ARHGAP10: variants seen among roughly 807,000 people sequenced by gnomAD.
ARHGAP10 encodes the protein Rho GTPase activating protein 10, also known as rho GTPase-activating protein 10.
ARHGAP10 carries 87 observed loss-of-function variants against 108.6 expected under a neutral mutation model. The observed-to-expected ratio is 0.80, with a 90% CI of 0.67 to 0.96. The LOEUF (loss-of-function observed/expected upper bound fraction) is 0.96. Among genes scored for constraint, ARHGAP10 ranks in the 40% least tolerant of loss-of-function variants. The pLI is 0.00. For synonymous variants in ARHGAP10, 347 were observed against 341.1 expected, an observed-to-expected ratio of 1.02 and a Z score of -0.19; for missense variants, 939 against 954.5, an observed-to-expected ratio of 0.98 and a Z score of 0.21.
At chr4:147,784,380 A>G (rs550807298) in intron 1 of ARHGAP10, among the ~76,000 whole-genome samples, 1 of 132,764 alleles carries the variant, frequency 7.5e-6, no homozygotes, top group African/African-American at 2.7e-5. Flanking sequence ...ATATTAAATT[A>G]TATATAATTT....
intron 3 of ARHGAP10, among the ~76,000 whole-genome samples, chr4:147,843,658 C>G (rs1733510649): frequency 6.6e-6 from 1 of 152,202 alleles, no homozygotes. Flanking sequence ...TCCCGAGTAG[C>G]TGGGATTACA....
rs186642546 is a variant in ARHGAP10, at chr4:147,753,902, A to G, written c.154+21447A>G. ...TGATGCTTAATTTGTGGTTAGAGAG[A>G]TTAACAAATTGAGCAAAGATGATGT... is the stretch of plus-strand genomic sequence containing the variant. On this transcript the variant is annotated intron_variant, in intron 1 of 22. Transcript: ENST00000336498. Among the ~76,000 whole-genome samples the G allele has an allele frequency of 4.6e-5, 7 of 152,266 alleles. No homozygotes were observed. In the East Asian group the frequency reaches 1.2e-3, roughly 25 times the overall value.
At chr4:147,966,566 T>C (rs1739208963) in intron 17 of ARHGAP10, 114 bp from the exon 18 acceptor site, 2 of 924,534 alleles carry the variant, frequency 2.2e-6, no homozygotes, top group Non-Finnish European at 3.1e-6. Context: ...ATGTTGAGGG[T>C]GGTTAAGTCT....
intron 1 of ARHGAP10, among the ~76,000 whole-genome samples, chr4:147,786,865 G>C (rs1730911759): frequency 1.3e-5 from 2 of 152,200 alleles, no homozygotes; most frequent in Admixed American, 1.3e-4. Flanking sequence ...AACACTCCCT[G>C]CTCCACAGTT....
intron 3 of ARHGAP10, among the ~76,000 whole-genome samples, chr4:147,824,765 C>T (rs1237050681): frequency 6.6e-6 from 1 of 151,908 alleles, no homozygotes; most frequent in Non-Finnish European, 1.5e-5. Context: ...CCAATTACCT[C>T]CACCTGGTCC....
chr4:148,041,593 A>G (rs1185989471), intron 19 of ARHGAP10, among the ~76,000 whole-genome samples: 2 of 152,360 alleles, frequency 1.3e-5, no homozygotes, highest in East Asian at 3.9e-4. Context: ...ATTATTAGAA[A>G]TGGTAGAATT....
chr4:147,960,054 T>G (rs543822208), intron 16 of ARHGAP10, among the ~76,000 whole-genome samples: 1 of 152,338 alleles, frequency 6.6e-6, no homozygotes, highest in East Asian at 1.9e-4. Flanking sequence ...GAGTCTCTGC[T>G]TTAAGTCTAT....
At chr4:147,837,007 G>C (rs1029865561) in intron 3 of ARHGAP10, among the ~76,000 whole-genome samples, 2 of 152,174 alleles carry the variant, frequency 1.3e-5, no homozygotes, top group Non-Finnish European at 2.9e-5. Context: ...GTGCTGGAGG[G>C]CCCTCGTAGC....
intron 20 of ARHGAP10, among the ~76,000 whole-genome samples, chr4:148,049,838 GGCGGGGGGC>G (rs1315845454): frequency 6.2e-5 from 5 of 80,518 alleles, no homozygotes; most frequent in African/African-American, 4.6e-4. Context: ...TGGGTGGGGG[GGCGGGGGGC>G]GGGGGGCGGG....
chr4:147,911,578 G>C (rs557701274), intron 12 of ARHGAP10, among the ~76,000 whole-genome samples: 44 of 152,260 alleles, frequency 2.9e-4, no homozygotes, highest in African/African-American at 1.1e-3. Flanking sequence ...TAGCCAGGAT[G>C]GTCTTGATCT....
intron 19 of ARHGAP10, among the ~76,000 whole-genome samples, chr4:148,035,405 T>C (rs1728333516): frequency 6.6e-6 from 1 of 152,246 alleles, no homozygotes; most frequent in African/African-American, 2.4e-5. Flanking sequence ...TTTGTTTCTG[T>C]GCTTTTGGGA....
chr4:147,864,775 T>C (rs1052798341), intron 5 of ARHGAP10, 71 bp from the exon 6 acceptor site: 1 of 1,388,016 alleles, frequency 7.2e-7, no homozygotes, highest in South Asian at 1.2e-5. Context: ...GACCACAGTG[T>C]GATGACCTCT....
intron 5 of ARHGAP10, chr4:147,862,518 C>A (rs1011556289): frequency 7.2e-5 from 11 of 152,392 alleles, no homozygotes; most frequent in African/African-American, 2.7e-4. Context: ...GCAGCCCTGG[C>A]TGCACTTTGC....
intron 10 of ARHGAP10, among the ~76,000 whole-genome samples, chr4:147,893,588 A>G (rs772885524): frequency 1.4e-5 from 2 of 147,962 alleles, no homozygotes; most frequent in Non-Finnish European, 3.0e-5. Context: ...ATATATTTAT[A>G]TATTTATATA....
At chr4:147,753,818 TGA>T in intron 1 of ARHGAP10, among the ~76,000 whole-genome samples, 1 of 152,028 alleles carries the variant, frequency 6.6e-6, no homozygotes, top group African/African-American at 2.4e-5. Context: ...GGGATGAGAG[TGA>T]GAGAGTATTG....
intron 13 of ARHGAP10, among the ~76,000 whole-genome samples, chr4:147,918,924 A>T (rs183082433): frequency 6.6e-6 from 1 of 152,052 alleles, no homozygotes; most frequent in South Asian, 2.1e-4. Context: ...TTGGGACCTT[A>T]CTCTCTCATA....
At chr4:147,756,270 ATTTG>A (rs749026119) in intron 1 of ARHGAP10, among the ~76,000 whole-genome samples, 1 of 152,052 alleles carries the variant, frequency 6.6e-6, no homozygotes, top group African/African-American at 2.4e-5. Flanking sequence ...TCTGGGAAAA[ATTTG>A]TTTGTGGTCC....
Position 147,732,254 on chromosome 4 carries a change from CG to C in ARHGAP10, c.-45del. On this transcript the variant is annotated 5_prime_UTR_variant, in exon 1 of 23. Coordinates refer to ENST00000336498, the MANE Select transcript of ARHGAP10 (RefSeq NM_024605.4). ...CTGGCAGCGGCCTCGGAGCTCGGCTCGGGCAGGAGCGCGCGGCCGTGCGCAC... is the reference window on the plus strand; with the variant it reads ...CTGGCAGCGGCCTCGGAGCTCGGCTCGGCAGGAGCGCGCGGCCGTGCGCAC... 6.6e-7 allele frequency: 1 copy of C among 1,516,676 alleles called. No homozygotes were observed. The highest frequency in any genetic ancestry group is 1.5e-5 in the African/African-American group (1 of 68,370). The allele number at this position is 1,516,676 out of a possible 1,614,324, so 94.0% of individuals were successfully genotyped here. A position where few individuals can be genotyped will look rare whatever the true frequency, so the allele number is the denominator to read the frequency against.
intron 19 of ARHGAP10, among the ~76,000 whole-genome samples, chr4:148,032,739 A>G (rs138141541): frequency 1.4e-4 from 21 of 152,298 alleles, no homozygotes; most frequent in African/African-American, 4.8e-4. Flanking sequence ...CCAAAACCTC[A>G]AAAGTAGGGA....
Sources: allele counts gnomAD v4.1 joint callset (sites outside exome capture counted in the v4.1 genomes callset), GRCh38; gene constraint gnomAD v4.1.1; transcripts MANE v1.5; gene names NCBI Gene and HGNC (gene_info 2026-07-23, HGNC 2026-07-21).